Variants in UGT8 observed in about 807,000 individuals in gnomAD.
The protein encoded by UGT8 is UDP glycosyltransferase 8.
Under a neutral mutation model 40.5 loss-of-function variants are expected in UGT8, and 12 were observed. That is an observed-to-expected ratio of 0.30 (90% CI 0.19 to 0.48). The LOEUF (loss-of-function observed/expected upper bound fraction) is 0.48. UGT8 is among the 20% of genes least tolerant of loss of function. UGT8 has a pLI of 0.99. For missense variants in UGT8, 513 were observed against 648.7 expected (o/e 0.79, Z 2.27); for synonymous variants, 224 against 240.4 (o/e 0.93, Z 0.63).
At chr4:114,629,749 A>G (rs1413055250) in intron 2 of UGT8, among the ~76,000 whole-genome samples, 2 of 152,216 alleles carry the variant, frequency 1.3e-5, no homozygotes, top group Non-Finnish European at 1.5e-5. Flanking sequence ...TGTAAGCATT[A>G]TGGGCTTACA....
Position 114,668,234 on chromosome 4 carries a change from T to A in UGT8, c.1192T>A (p.Leu398Met). The change falls in exon 5 of 6, where the codon TTG becomes ATG. Residue 398 changes from leucine to methionine, a missense_variant. Physicochemically the swap from Leu to Met is conservative, Grantham distance 15. Coordinates refer to ENST00000310836, the MANE Select transcript of UGT8 (RefSeq NM_001128174.3). ...AGTACAGGCAAAAGGCATGGGGATATTGCTAGAATGGAAGACAGTTACTGA... is the reference window on the plus strand; with the variant it reads ...AGTACAGGCAAAAGGCATGGGGATAATGCTAGAATGGAAGACAGTTACTGA... ...TRVQAKGMGI[L>M]LEWKTVTEKE... 3 of 1,613,860 alleles carry A rather than the reference T, an allele frequency of 1.9e-6. No individual in the cohort carries two copies. Among genetic ancestry groups the A allele is most frequent in the Non-Finnish European group, 2.5e-6 (3 of 1,179,832 alleles).
chr4:114,661,754 C>G (rs1734553770), intron 2 of UGT8, among the ~76,000 whole-genome samples: 1 of 152,178 alleles, frequency 6.6e-6, no homozygotes, highest in African/African-American at 2.4e-5. Context: ...TGCATGTCAC[C>G]TTGGTTCCCA....
At chr4:114,674,922 G>A (rs1209379179) in intron 5 of UGT8, among the ~76,000 whole-genome samples, 2 of 152,204 alleles carry the variant, frequency 1.3e-5, no homozygotes, top group Non-Finnish European at 2.9e-5. Flanking sequence ...TGAATGTGCA[G>A]TCACATGTTT....
In UGT8 at chr4:114,634,223, T is replaced by A. The variant is rs139250810; in HGVS notation, c.822+10521T>A. On this transcript the variant is annotated intron_variant, in intron 2 of 5. Coordinates refer to ENST00000310836, the MANE Select transcript of UGT8 (RefSeq NM_001128174.3). The stretch of plus-strand genomic sequence containing the variant: ...GAAAGAGTAAGGGATGAAGAAGTTC[T>A]TTAGGAAAATACATTGTTTAGTTGG... Among the ~76,000 whole-genome samples, 1,102 of 152,330 alleles carry A rather than the reference T, an allele frequency of 7.2e-3. 17 individuals are homozygous for A. The highest frequency in any genetic ancestry group is 0.025 in the African/African-American group (1,021 of 41,580).
chr4:114,655,335 G>T (rs1486430608), intron 2 of UGT8, among the ~76,000 whole-genome samples: 1 of 151,936 alleles, frequency 6.6e-6, no homozygotes, highest in Non-Finnish European at 1.5e-5. Flanking sequence ...CATCTGTGAG[G>T]GGTTTGGAGT....
chr4:114,675,872 T>C, intron 5 of UGT8, 53 bp from the exon 6 acceptor site: 1 of 1,535,140 alleles, frequency 6.5e-7, no homozygotes, highest in Non-Finnish European at 8.7e-7. Context: ...TATGCATAAA[T>C]ATAGAACTTT....
chr4:114,658,153 A>G (rs1255281848), intron 2 of UGT8, among the ~76,000 whole-genome samples: 1 of 152,182 alleles, frequency 6.6e-6, no homozygotes, highest in Non-Finnish European at 1.5e-5. Flanking sequence ...TTTACCTACT[A>G]AATTTTGCAG....
At chr4:114,609,479 A>G (rs4130705) in intron 1 of UGT8, among the ~76,000 whole-genome samples, 26,991 of 152,088 alleles carry the variant, frequency 0.18, 2,573 homozygotes, top group Middle Eastern at 0.22. Context: ...ACTATGTGCA[A>G]TATACAGAAA....
intron 1 of UGT8, among the ~76,000 whole-genome samples, chr4:114,613,811 T>C (rs1278713735): frequency 6.6e-6 from 1 of 152,190 alleles, no homozygotes; most frequent in East Asian, 1.9e-4. Flanking sequence ...CTGAGGTGAC[T>C]TTGGAACCTG....
intron 1 of UGT8, among the ~76,000 whole-genome samples, chr4:114,607,776 T>C (rs1730820667): frequency 6.6e-6 from 1 of 152,166 alleles, no homozygotes; most frequent in South Asian, 2.1e-4. Context: ...TTGATCACTA[T>C]GTCCTTCATG....
intron 5 of UGT8, among the ~76,000 whole-genome samples, chr4:114,673,324 G>A (rs966842170): frequency 2.0e-5 from 3 of 152,142 alleles, no homozygotes; most frequent in Non-Finnish European, 4.4e-5. Context: ...TTATCTGTGA[G>A]TTCTCCAATA....
intron 4 of UGT8, among the ~76,000 whole-genome samples, chr4:114,667,472 A>T (rs961834169): frequency 6.6e-6 from 1 of 152,172 alleles, no homozygotes; most frequent in African/African-American, 2.4e-5. Flanking sequence ...ACTAAATGTT[A>T]TGTGATGTCT....
chr4:114,641,745 T>A (rs974547893), intron 2 of UGT8, among the ~76,000 whole-genome samples: 13 of 151,986 alleles, frequency 8.6e-5, no homozygotes, highest in Admixed American at 3.3e-4. Context: ...AGAAAAAAAA[T>A]TTATTAGATT....
intron 2 of UGT8, among the ~76,000 whole-genome samples, chr4:114,630,836 A>T (rs1335572095): frequency 1.3e-5 from 2 of 152,152 alleles, no homozygotes; most frequent in African/African-American, 4.8e-5. Flanking sequence ...AACCTCTGGG[A>T]CACTGATTTT....
At position 114,664,040 on chromosome 4, in the gene UGT8, T is replaced by A; in HGVS notation, c.868T>A (p.Leu290Met). The A allele has an allele frequency of 3.1e-6, 5 of 1,614,118 alleles. No individual in the cohort carries two copies. The highest frequency in any genetic ancestry group is 4.2e-6 in the Non-Finnish European group (5 of 1,179,982). Residue 290 changes from leucine to methionine, a missense_variant, in exon 3 of 6, where the codon TTG becomes ATG. Physicochemically the swap from Leu to Met is conservative, Grantham distance 15. This residue lies in a region of UGT8 where 335 missense variants were observed against 444.8 expected (regional missense o/e 0.75). Coordinates refer to ENST00000310836, the MANE Select transcript of UGT8 (RefSeq NM_001128174.3). ...VNGANEHGFV[L>M]VSFGAGVKYL... ...TGGTGCTAATGAACATGGCTTTGTCTTGGTGTCTTTTGGAGCTGGTGTCAA... is the reference window on the plus strand; with the variant it reads ...TGGTGCTAATGAACATGGCTTTGTCATGGTGTCTTTTGGAGCTGGTGTCAA...
intron 1 of UGT8, among the ~76,000 whole-genome samples, chr4:114,602,838 G>A (rs1730519464): frequency 6.6e-6 from 1 of 152,198 alleles, no homozygotes; most frequent in Non-Finnish European, 1.5e-5. Flanking sequence ...AGATCATGGA[G>A]GGCTGTTTGC....
intron 2 of UGT8, among the ~76,000 whole-genome samples, chr4:114,649,758 G>A (rs960494562): frequency 3.9e-5 from 6 of 152,026 alleles, no homozygotes; most frequent in Admixed American, 2.0e-4. Context: ...TGTTACTAAG[G>A]AAGTGGAGGA....
chr4:114,670,893 C>G (rs533761981), intron 5 of UGT8, among the ~76,000 whole-genome samples: 235 of 152,270 alleles, frequency 1.5e-3, no homozygotes, highest in Middle Eastern at 3.4e-3. Flanking sequence ...TTGCAGATGA[C>G]ATGGTTTTAT....
chr4:114,614,374 G>A (rs1731269069), intron 1 of UGT8, among the ~76,000 whole-genome samples: 1 of 152,106 alleles, frequency 6.6e-6, no homozygotes, highest in South Asian at 2.1e-4. Flanking sequence ...GTAAAGAAAG[G>A]TCTGCCTCTG....
Sources: allele counts gnomAD v4.1 joint callset (sites outside exome capture counted in the v4.1 genomes callset), GRCh38; gene constraint gnomAD v4.1.1; regional missense constraint gnomAD v4.1.1; transcripts MANE v1.5; gene names NCBI Gene and HGNC (gene_info 2026-07-23, HGNC 2026-07-21).